The following SIPA1 variants were observed in gnomAD, a reference collection of about 807,000 sequenced individuals.
The protein encoded by SIPA1 is signal-induced proliferation-associated 1.
Under a neutral mutation model 88.1 loss-of-function variants are expected in SIPA1, and 51 were observed. The ratio of observed to expected loss-of-function variants is 0.58; its 90% CI spans 0.46 to 0.73. The LOEUF is 0.73. Ranked by LOEUF, SIPA1 falls within the 30% of genes least tolerant of loss-of-function variation. SIPA1 has a pLI of 0.00. For missense variants in SIPA1, 1,348 were observed against 1,467.6 expected, an observed-to-expected ratio of 0.92 and a Z score of 1.33; for synonymous variants, 681 against 664.8, an observed-to-expected ratio of 1.02 and a Z score of -0.37.
rs989054273 is a variant in SIPA1 at position 65,642,724 on chromosome 11, G to C, written c.984+85G>C. 1.5e-6 allele frequency: 2 copies of C among 1,308,812 alleles called. No individual in the cohort carries two copies. Among genetic ancestry groups the C allele is most frequent in the African/African-American group, 3.0e-5 (2 of 66,760 alleles). 81.1% of individuals were successfully genotyped at this position (1,308,812 alleles called of 1,614,324 possible). On this transcript the variant is annotated intron_variant, in intron 4 of 15. Transcript: ENST00000534313. The surrounding 1 kb of genome is among the most constrained non-coding windows in gnomAD (Gnocchi z 6.5). ...GCCCAGCTCCCAAACCCCTAGCCTT[G>C]ACCCTGATCCTGGGCTGGGTGGTGA...
chr11:65,647,180 G>C, intron 8 of SIPA1, 115 bp downstream of exon 8: 1 of 1,413,886 alleles, frequency 7.1e-7, no homozygotes, highest in South Asian at 1.5e-5. Context: ...GTCGAGGAGG[G>C]CAGAGCCAGC....
In SIPA1 at chr11:65,649,833, G is replaced by A. The variant is rs777923758; in HGVS notation, c.2714G>A (p.Arg905His). The A allele has an allele frequency of 1.9e-5, 31 of 1,613,958 alleles. No homozygotes were observed. Among genetic ancestry groups the A allele is most frequent in the Non-Finnish European group, 2.3e-5 (27 of 1,180,040 alleles). ...GAGCTGAGGGCCTCCTTTCTGCCAC[G>A]TACCTTGTCTCTGCGGAACTCCATC... ...APELRASFLP[R>H]TLSLRNSISR... The change falls in exon 12 of 16, where the codon CGT becomes CAT. Residue 905 changes from arginine to histidine, a missense_variant. By Grantham distance (29) the Arg-to-His change is conservative (BLOSUM62 0). Coordinates refer to ENST00000534313, the MANE Select transcript of SIPA1 (RefSeq NM_006747.4).
chr11:65,650,243 C>T, intron 14 of SIPA1, 51 bp downstream of exon 14: 1 of 1,592,620 alleles, frequency 6.3e-7, no homozygotes, highest in Non-Finnish European at 8.6e-7. Flanking sequence ...ATGACCCCCC[C>T]TTCGTGCCTG....
At chr11:65,644,932 T>C in intron 4 of SIPA1, 23 bp from the exon 5 acceptor site, 1 of 1,603,406 alleles carries the variant, frequency 6.2e-7, no homozygotes. Flanking sequence ...CTGAGACCTA[T>C]GCCTTCTGTC....
At chr11:65,645,711 C>T (rs891440893) in intron 5 of SIPA1, 143 bp from the exon 6 acceptor site, 6 of 582,632 alleles carry the variant, frequency 1.0e-5, no homozygotes, top group Admixed American at 8.4e-5. Context: ...ATCTCGCTGG[C>T]TGGGCATTGG....
intron 1 of SIPA1, among the ~76,000 whole-genome samples, chr11:65,640,525 G>A (rs1366837464): frequency 2.0e-5 from 3 of 152,338 alleles, no homozygotes; most frequent in South Asian, 2.1e-4. Context: ...CCCTTACTCT[G>A]GGCCCAGGCC....
intron 9 of SIPA1, among the ~76,000 whole-genome samples, chr11:65,648,971 G>A (rs770850720): frequency 1.3e-5 from 2 of 152,184 alleles, no homozygotes; most frequent in Admixed American, 6.5e-5. Flanking sequence ...CAATTTACAC[G>A]TGTTATTTAA....
Position 65,650,631 on chromosome 11 carries a change from G to C in SIPA1, c.3045G>C (p.Arg1015=). Residue 1015 remains arginine (R), a synonymous_variant, in exon 16 of 16, where the codon CGG becomes CGC. Coordinates refer to ENST00000534313, the MANE Select transcript of SIPA1 (RefSeq NM_006747.4). ...GGAGCCTGAGACACAACAACCGGCG[G>C]CTGCAGGCGGAGTCTGAGAGTGCAG... ...EVRSLRHNNR[R]LQAESESAAT... 2 of 1,573,812 alleles carry C rather than the reference G, an allele frequency of 1.3e-6. No individual in the cohort carries two copies. Among genetic ancestry groups the C allele is most frequent in the Non-Finnish European group, 1.7e-6 (2 of 1,159,624 alleles).
chr11:65,646,802 G>C lies in SIPA1; in HGVS notation c.1768G>C (p.Gly590Arg). 3.1e-6 allele frequency: 4 copies of C among 1,285,948 alleles called. No homozygotes were observed. The South Asian group carries it at 8.7e-5, about 28-fold the overall frequency. The allele number at this position is 1,285,948 out of a possible 1,614,324, so 79.7% of individuals were successfully genotyped here. Residue 590 changes from glycine to arginine, a missense_variant, in exon 8 of 16, where the codon GGG becomes CGG. Around this residue, in one of 4 missense-constraint regions of SIPA1, gnomAD observed 68 missense variants for 59.0 expected, o/e 1.15. Transcript: ENST00000534313. The surrounding 1 kb of genome is among the most constrained non-coding windows in gnomAD (Gnocchi z 7.5). ...GGTGTGGGGAGTGCGCGCGGCGCCC[G>C]GGGCGCGGGTCGCCGCCGGGGCTCA... The part of the protein sequence containing the change: ...SLVWGVRAAP[G>R]ARVAAGAQAS...
chr11:65,640,801 G>A, intron 1 of SIPA1, 30 bp from the exon 2 acceptor site: 2 of 883,830 alleles, frequency 2.3e-6, no homozygotes, highest in Non-Finnish European at 3.2e-6. Flanking sequence ...TTCTGCCCAG[G>A]CCCCTCTGAG....
In SIPA1 at chr11:65,649,981, G is replaced by C. The variant is rs764730970; in HGVS notation, c.2778G>C (p.Glu926Asp). The C allele has an allele frequency of 6.2e-7, 1 of 1,614,070 alleles. No homozygotes were observed. Among genetic ancestry groups the C allele is most frequent in the Admixed American group, 1.7e-5 (1 of 60,016 alleles). The change falls in exon 13 of 16, where the codon GAG becomes GAC. Residue 926 changes from glutamate (E) to aspartate (D), a missense_variant. By Grantham distance (45) the Glu-to-Asp change is conservative. This residue lies in a region of SIPA1 where 615 missense variants were observed against 559.8 expected (regional missense o/e 1.10). Coordinates refer to ENST00000534313, the MANE Select transcript of SIPA1 (RefSeq NM_006747.4). Reference protein sequence around the residue: ...IMSEAGSGTLEDEWQAISEIA... With the variant: ...IMSEAGSGTLDDEWQAISEIA... ...CGGAGGCGGGCAGTGGGACCCTGGA[G>C]GACGAGTGGCAGGCCATCTCGGAGA... is the stretch of plus-strand genomic sequence containing the variant.
At chr11:65,639,074 C>T (rs999970479) in intron 1 of SIPA1, 1 of 152,364 alleles carries the variant, frequency 6.6e-6, no homozygotes, top group Non-Finnish European at 1.5e-5. Flanking sequence ...AGTCTCTCAG[C>T]AGCCTTGGGA....
chr11:65,649,350 AC>A lies in SIPA1; in HGVS notation c.2398del (p.Leu800CysfsTer78). ...TGTGCAGGATGAGGTCCAGGGGGTG[AC>A]CCTGCTGCCCACCACAAAGCAGCTG... ...DPVQDEVQGV[T>X]LLPTTKQLLH... On this transcript the variant is annotated frameshift_variant, in exon 10 of 16. Transcript: ENST00000534313. LOFTEE classifies it high-confidence loss of function. 1.3e-6 allele frequency: 2 copies of A among 1,562,670 alleles called. No homozygotes were observed. Among genetic ancestry groups the A allele is most frequent in the Non-Finnish European group, 1.7e-6 (2 of 1,153,480 alleles).
In SIPA1 at chr11:65,640,970, C is replaced by T. The variant is rs1192267096; in HGVS notation, c.49C>T (p.Pro17Ser). 11 of 1,571,184 alleles carry T rather than the reference C, an allele frequency of 7.0e-6. No homozygotes were observed. The Admixed American group carries it at 2.0e-4, about 29-fold the overall frequency. ...GGGGAGCCCTCGGCGGGGCATGGCC[C>T]CTGCGTCCACAGATGACCTCTTTGC... ...GVGSPRRGMA[P>S]ASTDDLFARK... The change falls in exon 2 of 16, where the codon CCT (proline) becomes TCT (serine). Residue 17 changes from proline (P) to serine (S), a missense_variant. Physicochemically the swap from Pro to Ser is moderately conservative, Grantham distance 74 (BLOSUM62 -1). Transcript: ENST00000534313.
In SIPA1 at chr11:65,646,434, A is replaced by G. The variant is rs773301515; in HGVS notation, c.1422-22A>G. 13 of 1,593,616 alleles carry G rather than the reference A, an allele frequency of 8.2e-6. No individual in the cohort carries two copies. The East Asian group carries it at 2.9e-4, about 36-fold the overall frequency. On this transcript the variant is annotated intron_variant, in intron 7 of 15. Transcript: ENST00000534313. This position sits in a 1 kb window ranked among gnomAD's most constrained non-coding sequence, Gnocchi z 7.5. ...TGGGCATGGAGTCCTGCCGCCCCTC[A>G]CTAACGCCTCCCTCCCCGCAGGGTG... is the stretch of plus-strand genomic sequence containing the variant.
chr11:65,650,324 A>G (rs919819598), intron 14 of SIPA1, 77 bp from the exon 15 acceptor site: 2 of 1,563,608 alleles, frequency 1.3e-6, no homozygotes, highest in Non-Finnish European at 1.8e-6. Flanking sequence ...GGCCCCTCTC[A>G]TTAGCTGGGG....
intron 4 of SIPA1, among the ~76,000 whole-genome samples, chr11:65,644,358 A>T (rs1213144988): frequency 6.6e-6 from 1 of 150,654 alleles, no homozygotes; most frequent in Non-Finnish European, 1.5e-5. Context: ...AGAGGGTACC[A>T]GGATGAGGCC....
Position 65,647,872 on chromosome 11 carries a change from CTCT to C in SIPA1, c.2306+216_2306+218del, listed in dbSNP as rs1565182699. Among the ~76,000 whole-genome samples the C allele has an allele frequency of 2.2e-4, 33 of 150,116 alleles. No homozygotes were observed. In the South Asian group the frequency reaches 7.1e-3, roughly 32 times the overall value. ...TCCTTCCTTCCTCTCTCTCTCCTCT[CTCT>C]TTTTTTTTTTTTTGAGACGAAGTAT... On this transcript the variant is annotated intron_variant, in intron 9 of 15. Transcript: ENST00000534313.
intron 4 of SIPA1, among the ~76,000 whole-genome samples, chr11:65,643,796 T>C (rs1032050399): frequency 1.3e-5 from 2 of 150,638 alleles, no homozygotes; most frequent in Non-Finnish European, 2.9e-5. Context: ...CAGTTCAGCG[T>C]GGCTGGGGTT....
Sources: gnomAD v4.1 joint callset for allele counts (sites outside exome capture counted in the v4.1 genomes callset) on GRCh38, gnomAD v4.1.1 for gene constraint, gnomAD v4.1.1 regional missense constraint, Gnocchi (gnomAD v3.1) non-coding constraint, MANE v1.5 for transcripts, NCBI Gene and HGNC (gene_info 2026-07-23, HGNC 2026-07-21) for gene names.